The following ZFHX3 variants were observed in gnomAD, a reference collection of about 807,000 sequenced individuals.
The protein encoded by ZFHX3 is zinc finger homeobox 3.
ZFHX3 carries 42 observed loss-of-function variants against 279.1 expected under a neutral mutation model. The ratio of observed to expected loss-of-function variants is 0.15; its 90% confidence interval spans 0.12 to 0.19. The LOEUF (loss-of-function observed/expected upper bound fraction) is 0.19. Among genes scored for constraint, ZFHX3 ranks in the 10% least tolerant of loss-of-function variants. The pLI is 1.00. For missense variants in ZFHX3, 4,981 were observed against 4,754.0 expected (o/e 1.05, Z -1.40); for synonymous variants, 2,293 against 1,957.8 (o/e 1.17, Z -4.52).
chr16:72,959,105 A>G lies in ZFHX3; in HGVS notation c.1041T>C (p.Phe347=). The G allele has an allele frequency of 1.2e-6, 2 of 1,614,218 alleles. No individual in the cohort carries two copies. Among genetic ancestry groups the G allele is most frequent in the Middle Eastern group, 1.6e-4 (1 of 6,062 alleles). Residue 347 remains phenylalanine, a synonymous_variant, in exon 2 of 10, where the codon TTT becomes TTC. Transcript: ENST00000268489. ...TAGCTGTGGAAACTAAAGGGTGTTG[A>G]AAGTTTTTGTTTTTTGGTTCCAGAA... is the stretch of plus-strand genomic sequence containing the variant. The part of the protein sequence containing the change: ...VSFLEPKNKN[F]QHPLVSTANL...
intron 2 of ZFHX3, among the ~76,000 whole-genome samples, chr16:73,615,114 A>G (rs2052286537): frequency 1.3e-5 from 2 of 151,686 alleles, no homozygotes; most frequent in African/African-American, 4.8e-5. Flanking sequence ...ATTTCACTAA[A>G]CAACATGTTC....
intron 7 of ZFHX3, among the ~76,000 whole-genome samples, chr16:73,105,469 A>C (rs1966292167): frequency 7.6e-6 from 1 of 131,870 alleles, no homozygotes. Flanking sequence ...TTTTTCCCCC[A>C]GGCCAGGCGT....
At chr16:73,143,671 G>T (rs1336301012) in intron 6 of ZFHX3, 3 of 1,029,762 alleles carry the variant, frequency 2.9e-6, no homozygotes, top group East Asian at 6.0e-5. Flanking sequence ...TCCTTGTCTG[G>T]CTGGTTAGTC....
At chr16:73,079,286 AGG>A in intron 8 of ZFHX3, among the ~76,000 whole-genome samples, 1 of 151,736 alleles carries the variant, frequency 6.6e-6, no homozygotes, top group Non-Finnish European at 1.5e-5. Flanking sequence ...GCACCTTGGG[AGG>A]CCAAGGTGGG....
chr16:73,167,382 A>G (rs766295858), intron 5 of ZFHX3, among the ~76,000 whole-genome samples: 2 of 152,362 alleles, frequency 1.3e-5, no homozygotes, highest in South Asian at 2.1e-4. Flanking sequence ...GACTTTTGGC[A>G]TAAAATAACA....
intron 3 of ZFHX3, among the ~76,000 whole-genome samples, chr16:73,352,340 G>C (rs192906755): frequency 2.7e-4 from 41 of 152,238 alleles, no homozygotes; most frequent in African/African-American, 9.9e-4. Context: ...ATGGGCAATA[G>C]CTTGACCTCT....
At chr16:73,605,573 G>A (rs2052168907) in intron 2 of ZFHX3, among the ~76,000 whole-genome samples, 1 of 151,872 alleles carries the variant, frequency 6.6e-6, no homozygotes, top group East Asian at 1.9e-4. Context: ...ACAGAGTCCT[G>A]TACCTGGTAT....
chr16:73,738,629 C>A (rs556630164), intron 1 of ZFHX3, among the ~76,000 whole-genome samples: 103 of 152,112 alleles, frequency 6.8e-4, no homozygotes, highest in Non-Finnish European at 1.3e-3. Context: ...TAGAGTTCCA[C>A]GGTATAAGAA....
intron 2 of ZFHX3, among the ~76,000 whole-genome samples, chr16:73,565,024 G>A (rs996002213): frequency 2.6e-5 from 4 of 152,246 alleles, no homozygotes; most frequent in African/African-American, 7.2e-5. Flanking sequence ...AGGCCAAGGC[G>A]GGCAGATCAC....
intron 2 of ZFHX3, among the ~76,000 whole-genome samples, chr16:73,581,751 A>C (rs1261699724): frequency 7.2e-6 from 1 of 139,008 alleles, no homozygotes; most frequent in African/African-American, 2.8e-5. Flanking sequence ...GTTCACTGCA[A>C]CCTCCACCTC....
At chr16:73,564,351 G>C (rs1322331547) in intron 2 of ZFHX3, among the ~76,000 whole-genome samples, 1 of 152,156 alleles carries the variant, frequency 6.6e-6, no homozygotes, top group Non-Finnish European at 1.5e-5. Flanking sequence ...CCCCACGCTG[G>C]GGTTTACATC....
chr16:72,962,149 G>T (rs373874616), intron 1 of ZFHX3, among the ~76,000 whole-genome samples: 5 of 152,192 alleles, frequency 3.3e-5, no homozygotes, highest in Non-Finnish European at 5.9e-5. Flanking sequence ...ATGCGGGAAG[G>T]GGGGGCCACG....
chr16:73,301,163 C>T (rs372840058), intron 4 of ZFHX3, among the ~76,000 whole-genome samples: 1 of 152,270 alleles, frequency 6.6e-6, no homozygotes, highest in African/African-American at 2.4e-5. Context: ...TTCTTGGGGC[C>T]ATCCCTACAG....
At chr16:73,019,427 G>C (rs1264615635) in intron 1 of ZFHX3, among the ~76,000 whole-genome samples, 1 of 152,070 alleles carries the variant, frequency 6.6e-6, no homozygotes, top group African/African-American at 2.4e-5. Context: ...CTGGTTTACA[G>C]GCCACCACAA....
At chr16:73,343,941 T>C (rs1334146525) in intron 3 of ZFHX3, among the ~76,000 whole-genome samples, 2 of 152,158 alleles carry the variant, frequency 1.3e-5, no homozygotes, top group Non-Finnish European at 2.9e-5. Context: ...GACTCATAAA[T>C]GTGAAATGAT....
chr16:73,399,075 G>A (rs796357703), intron 3 of ZFHX3, among the ~76,000 whole-genome samples: 26 of 144,156 alleles, frequency 1.8e-4, no homozygotes, highest in African/African-American at 6.4e-4. Flanking sequence ...TCGGGGTTTC[G>A]CCATGTTGGC....
chr16:73,093,673 C>G, intron 7 of ZFHX3: 1 of 414,346 alleles, frequency 2.4e-6, no homozygotes, highest in Non-Finnish European at 4.9e-6. Context: ...CATTACAGCG[C>G]TGATTAAATA....
chr16:73,025,515 A>G (rs1964465903), intron 1 of ZFHX3, among the ~76,000 whole-genome samples: 1 of 152,222 alleles, frequency 6.6e-6, no homozygotes, highest in South Asian at 2.1e-4. Context: ...ACAATCACAC[A>G]GTAATCCAGG....
At chr16:73,349,053 T>C (rs1023718483) in intron 3 of ZFHX3, among the ~76,000 whole-genome samples, 1 of 152,218 alleles carries the variant, frequency 6.6e-6, no homozygotes, top group Admixed American at 6.5e-5. Flanking sequence ...TTTGGGGGCA[T>C]CAATTAATAA....
Sources: allele counts gnomAD v4.1 joint callset (sites outside exome capture counted in the v4.1 genomes callset), GRCh38; gene constraint gnomAD v4.1.1; transcripts MANE v1.5; gene names NCBI Gene and HGNC (gene_info 2026-07-23, HGNC 2026-07-21).